The following UNC5D variants were observed in gnomAD, a reference collection of about 807,000 sequenced individuals.
UNC5D encodes the protein unc-5 netrin receptor D, also known as netrin receptor UNC5D.
UNC5D carries 39 observed loss-of-function variants against 105.4 expected under a neutral mutation model. The ratio of observed to expected loss-of-function variants is 0.37; its 90% CI spans 0.29 to 0.48. UNC5D has a LOEUF of 0.48. Ranked by LOEUF, UNC5D falls within the 20% of genes least tolerant of loss-of-function variation. The probability of loss-of-function intolerance (pLI) is 0.98; values close to 1 mark genes in which losing one functional copy is unlikely to be tolerated. For missense variants in UNC5D, 991 were observed against 1,202.4 expected, an observed-to-expected ratio of 0.82 and a Z score of 2.60; for synonymous variants, 452 against 450.4, an observed-to-expected ratio of 1.00 and a Z score of -0.04.
intron 4 of UNC5D, among the ~76,000 whole-genome samples, chr8:35,650,114 T>G: frequency 6.6e-6 from 1 of 151,750 alleles, no homozygotes; most frequent in East Asian, 1.9e-4. Context: ...GTATTGAAAC[T>G]ACAAAAAACA....
rs1820067630 is a variant in UNC5D at position 35,603,835 on chromosome 8, A to C, written c.570+8178A>C. Among the ~76,000 whole-genome samples the C allele has an allele frequency of 2.0e-5, 3 of 151,920 alleles. No homozygotes were observed. The South Asian group carries it at 6.2e-4, about 32-fold the overall frequency. On this transcript the variant is annotated intron_variant, in intron 4 of 16. Coordinates refer to ENST00000404895, the MANE Select transcript of UNC5D (RefSeq NM_080872.4). ...TCTCTTTTGATCTTTGTTGGTTTAAAGTCTGTTTTATCAGAGACTAGGATT... is the reference window on the plus strand; with the variant it reads ...TCTCTTTTGATCTTTGTTGGTTTAACGTCTGTTTTATCAGAGACTAGGATT...
chr8:35,657,023 T>C (rs1434297583), intron 4 of UNC5D, among the ~76,000 whole-genome samples: 1 of 143,422 alleles, frequency 7.0e-6, no homozygotes, highest in Non-Finnish European at 1.5e-5. Context: ...CTTGCTATGC[T>C]GCCCAAGCTG....
At chr8:35,686,407 A>G in intron 6 of UNC5D, 138 bp from the exon 7 acceptor site, 1 of 905,860 alleles carries the variant, frequency 1.1e-6, no homozygotes, top group Non-Finnish European at 1.6e-6. Context: ...GAGAGAAGAT[A>G]AGTGGATATG....
At chr8:35,743,523 C>G (rs892358196) in intron 11 of UNC5D, among the ~76,000 whole-genome samples, 1 of 151,780 alleles carries the variant, frequency 6.6e-6, no homozygotes, top group Admixed American at 6.6e-5. Context: ...AGTGATCCCC[C>G]CCACCTCAGC....
At position 35,544,589 on chromosome 8, in the gene UNC5D, G is replaced by A. The variant is rs139147788; in HGVS notation, c.104-4703G>A. On this transcript the variant is annotated intron_variant, in intron 1 of 16. Coordinates refer to ENST00000404895, the MANE Select transcript of UNC5D (RefSeq NM_080872.4). ...CAGTACCAACCACACCTATTCTTTC[G>A]TTTTCGTTTTTTTTTTTTTTTTTTT... The A allele has an allele frequency of 3.4e-3, 1,982 of 590,270 alleles. 26 individuals are homozygous for A. The African/African-American group carries it at 0.042, about 13-fold the overall frequency. The allele number at this position is 590,270 out of a possible 1,614,324, so 36.6% of individuals were successfully genotyped here. A position where few individuals can be genotyped will look rare whatever the true frequency, so the allele number is the denominator to read the frequency against.
chr8:35,446,659 C>T (rs778922174), intron 1 of UNC5D, among the ~76,000 whole-genome samples: 2 of 152,024 alleles, frequency 1.3e-5, no homozygotes, highest in Non-Finnish European at 2.9e-5. Flanking sequence ...ATGAAGGTTT[C>T]AGTTTCCTTA....
intron 1 of UNC5D, among the ~76,000 whole-genome samples, chr8:35,242,568 C>T (rs904354761): frequency 5.9e-5 from 9 of 152,124 alleles, no homozygotes; most frequent in Admixed American, 2.6e-4. Flanking sequence ...ACCTCTGCCT[C>T]CCAGGTTCAA....
chr8:35,408,932 T>A (rs939451257), intron 1 of UNC5D, among the ~76,000 whole-genome samples: 2 of 152,042 alleles, frequency 1.3e-5, no homozygotes, highest in African/African-American at 4.8e-5. Context: ...ATCTCCCTCG[T>A]GATTTGGAAA....
intron 16 of UNC5D, among the ~76,000 whole-genome samples, chr8:35,787,551 C>G (rs1802803595): frequency 6.6e-6 from 1 of 152,126 alleles, no homozygotes; most frequent in Admixed American, 6.5e-5. Flanking sequence ...TGCAACTTTC[C>G]CTACAAACAT....
intron 8 of UNC5D, among the ~76,000 whole-genome samples, chr8:35,706,556 C>T (rs1029879624): frequency 2.0e-5 from 3 of 152,058 alleles, no homozygotes; most frequent in Non-Finnish European, 4.4e-5. Context: ...TGGCATTTGA[C>T]CTTATGCTCT....
intron 4 of UNC5D, among the ~76,000 whole-genome samples, chr8:35,642,907 A>G (rs371077151): frequency 2.6e-5 from 4 of 151,956 alleles, no homozygotes; most frequent in African/African-American, 4.8e-5. Context: ...CTTCTCCCCA[A>G]CCCACCCCAG....
At chr8:35,252,093 C>T (rs1014068663) in intron 1 of UNC5D, among the ~76,000 whole-genome samples, 1 of 148,308 alleles carries the variant, frequency 6.7e-6, no homozygotes, top group Non-Finnish European at 1.5e-5. Flanking sequence ...GCGATCCCGA[C>T]TCACTGCAGG....
intron 9 of UNC5D, among the ~76,000 whole-genome samples, chr8:35,723,734 C>A (rs1828713702): frequency 6.6e-6 from 1 of 152,060 alleles, no homozygotes; most frequent in Non-Finnish European, 1.5e-5. Context: ...ACCTAAAAAA[C>A]TAGAAACATA....
rs182381970 is a variant in UNC5D at position 35,570,207 on chromosome 8, C to T, written c.466+1966C>T. On this transcript the variant is annotated intron_variant, in intron 3 of 16. Transcript: ENST00000404895. ...CTGCATGTCACCCTCGCATGTCTGA[C>T]GTGTGCCATCACACCTGCAGTTTCT... is the stretch of plus-strand genomic sequence containing the variant. Among the ~76,000 whole-genome samples, 426 of 152,306 alleles carry T rather than the reference C, an allele frequency of 2.8e-3. 14 individuals are homozygous for T. The highest frequency in any genetic ancestry group is 0.027 in the Admixed American group (409 of 15,296).
intron 4 of UNC5D, among the ~76,000 whole-genome samples, chr8:35,652,972 C>A (rs1823521777): frequency 1.5e-5 from 2 of 129,268 alleles, no homozygotes; most frequent in Non-Finnish European, 3.1e-5. Flanking sequence ...TCTTGCCAGG[C>A]AGGCTGCAGT....
At chr8:35,598,003 A>G (rs1255139806) in intron 4 of UNC5D, among the ~76,000 whole-genome samples, 1 of 152,072 alleles carries the variant, frequency 6.6e-6, no homozygotes, top group East Asian at 1.9e-4. Context: ...TGCACCAGCC[A>G]TGCTCCTACC....
intron 1 of UNC5D, among the ~76,000 whole-genome samples, chr8:35,492,069 C>A (rs933427088): frequency 6.6e-6 from 1 of 151,602 alleles, no homozygotes. Context: ...ATTTACCTTC[C>A]ATTGTTTTCA....
At chr8:35,701,059 T>C (rs1164015112) in intron 7 of UNC5D, among the ~76,000 whole-genome samples, 1 of 152,200 alleles carries the variant, frequency 6.6e-6, no homozygotes, top group Non-Finnish European at 1.5e-5. Flanking sequence ...AACAAAATAA[T>C]TAAAGTGGTC....
At chr8:35,417,527 A>C (rs1805609071) in intron 1 of UNC5D, among the ~76,000 whole-genome samples, 1 of 152,282 alleles carries the variant, frequency 6.6e-6, no homozygotes, top group South Asian at 2.1e-4. Flanking sequence ...ATTTGAAAAA[A>C]GTTAGTGTGC....
Sources: allele counts gnomAD v4.1 joint callset (sites outside exome capture counted in the v4.1 genomes callset), GRCh38; gene constraint gnomAD v4.1.1; transcripts MANE v1.5; gene names NCBI Gene and HGNC (gene_info 2026-07-23, HGNC 2026-07-21).